SEMA6B: variants seen among roughly 807,000 people sequenced by gnomAD.
The protein encoded by SEMA6B is semaphorin 6B.
SEMA6B carries 47 observed loss-of-function variants against 78.6 expected under a neutral mutation model. The ratio of observed to expected loss-of-function variants is 0.60; its 90% CI spans 0.47 to 0.76. The LOEUF (loss-of-function observed/expected upper bound fraction) is 0.76, where lower values mean the gene tolerates loss of function less well. SEMA6B is among the 30% of genes least tolerant of loss of function. The pLI is 0.00. For synonymous variants in SEMA6B, 632 were observed against 592.2 expected (o/e 1.07, Z -0.98); for missense variants, 1,213 against 1,269.9 (o/e 0.96, Z 0.68).
intron 8 of SEMA6B, 63 bp from the exon 9 acceptor site, chr19:4,554,539 G>A (rs1458293985): frequency 3.9e-6 from 5 of 1,273,136 alleles, no homozygotes; most frequent in Non-Finnish European, 5.7e-6. Flanking sequence ...CTGGGGCTAA[G>A]AACTCACTGG....
rs114744547 is a variant in SEMA6B at position 4,551,184 on chromosome 19, G to C, written c.990-254C>G. 9.9e-3 allele frequency among the ~76,000 whole-genome samples: 1,484 copies of C among 150,140 alleles called. 28 individuals carry two copies. Among genetic ancestry groups the C allele is most frequent in the African/African-American group, 0.034 (1,386 of 40,772 alleles). ...CCCTGTTTAACTGGATGTCCTGCCT[G>C]CCCAGTGTCACTGTTAGAGCCCACT... On this transcript the variant is annotated intron_variant, in intron 10 of 16. Coordinates refer to ENST00000586582, the MANE Select transcript of SEMA6B (RefSeq NM_032108.4).
At chr19:4,546,961 A>T (rs1395281353) in intron 14 of SEMA6B, among the ~76,000 whole-genome samples, 3 of 148,418 alleles carry the variant, frequency 2.0e-5, no homozygotes, top group Non-Finnish European at 3.0e-5. Flanking sequence ...TTAAAATTTA[A>T]TTTTTTTTTT....
At chr19:4,557,051 C>T (rs1412438024) in intron 4 of SEMA6B, 38 bp from the exon 5 acceptor site, 2 of 1,604,820 alleles carry the variant, frequency 1.2e-6, no homozygotes, top group South Asian at 1.1e-5. Context: ...GTAACGGGTC[C>T]CAGCAGCCCT....
At position 4,546,225 on chromosome 19, in the gene SEMA6B, C is replaced by A. The variant is rs1977161345; in HGVS notation, c.1729G>T (p.Asp577Tyr). 2 of 1,611,930 alleles carry A rather than the reference C, an allele frequency of 1.2e-6. No individual in the cohort carries two copies. Among genetic ancestry groups the A allele is most frequent in the South Asian group, 1.1e-5 (1 of 90,906 alleles). ...VSGASTSGLG[D>Y]CTGLLRASLS... The stretch of plus-strand genomic sequence containing the variant: ...CGTCCCCCCAACTCACCTGTGCAGT[C>A]CCCTAAGCCTGAGGTGCTGGCCCCG... Residue 577 changes from aspartate (D) to tyrosine (Y), a missense_variant, in exon 16 of 17, where the codon GAC (aspartate) becomes TAC (tyrosine). Asp to Tyr is a radical substitution (Grantham distance 160, BLOSUM62 -3). Coordinates refer to ENST00000586582, the MANE Select transcript of SEMA6B (RefSeq NM_032108.4).
At position 4,550,142 on chromosome 19, in the gene SEMA6B, T is replaced by A. The variant is rs775822320; in HGVS notation, c.1252A>T (p.Ile418Phe). The A allele has an allele frequency of 6.2e-7, 1 of 1,613,716 alleles. No individual in the cohort carries two copies. Among genetic ancestry groups the A allele is most frequent in the Middle Eastern group, 1.7e-4 (1 of 6,052 alleles). ...AVPSLGHAPW[I>F]LRTLMRHQLT... ...ACCGACCTCATCAGGGTCCGCAGGA[T>A]CCAGGGCGCATGGCCCAGCGAGGGC... is the stretch of plus-strand genomic sequence containing the variant. The change falls in exon 12 of 17, where the codon ATC (isoleucine) becomes TTC (phenylalanine). Residue 418 changes from isoleucine to phenylalanine, a missense_variant. Ile to Phe is a conservative substitution (Grantham distance 21). Coordinates refer to ENST00000586582, the MANE Select transcript of SEMA6B (RefSeq NM_032108.4). The surrounding 1 kb of genome is among the most constrained non-coding windows in gnomAD (Gnocchi z 6.6).
rs1259627315 is a variant in SEMA6B, at chr19:4,551,667, TA to T, written c.990-738del. Among the ~76,000 whole-genome samples, 8 of 151,372 alleles carry T rather than the reference TA, an allele frequency of 5.3e-5. No homozygotes were observed. The East Asian group carries it at 1.6e-3, about 30-fold the overall frequency. On this transcript the variant is annotated intron_variant, in intron 10 of 16. Transcript: ENST00000586582. ...CAAAATGGAGAAACCCCGTCTCTACTAAAAATACAAAATAAGCTGGGTGTGG... is the reference window on the plus strand; with the variant it reads ...CAAAATGGAGAAACCCCGTCTCTACTAAAATACAAAATAAGCTGGGTGTGG...
At position 4,556,892 on chromosome 19, in the gene SEMA6B, G is replaced by A. The variant is rs888437383; in HGVS notation, c.369+59C>T. 2.7e-6 allele frequency: 4 copies of A among 1,491,302 alleles called. No homozygotes were observed. The Admixed American group carries it at 5.5e-5, about 21-fold the overall frequency. The allele number at this position is 1,491,302 out of a possible 1,614,324, so 92.4% of individuals were successfully genotyped here. On this transcript the variant is annotated intron_variant, in intron 5 of 16. Transcript: ENST00000586582. ...GCGTGGCCTGGTCTGATTGGGGCGG[G>A]GCATGGGTAATGCCAGGGCTGATTC...
rs1977563628 is a variant in SEMA6B, at chr19:4,559,604, G to A, written c.-107C>T. On this transcript the variant is annotated 5_prime_UTR_variant, in exon 1 of 17. Transcript: ENST00000586582. ...AGCCTCGTCCTTCTGGGAAGTATTG[G>A]GCAAGCTCCGAGCCCATTTTCCTGT... 1.3e-5 allele frequency: 2 copies of A among 152,224 alleles called. No individual in the cohort carries two copies. Among genetic ancestry groups the A allele is most frequent in the African/African-American group, 4.8e-5 (2 of 41,434 alleles). The allele number at this position is 152,224 out of a possible 1,614,324, so 9.4% of individuals were successfully genotyped here.
rs747779263 is a variant in SEMA6B at position 4,555,430 on chromosome 19, C to T, written c.562+44G>A. The T allele has an allele frequency of 1.3e-6, 2 of 1,535,238 alleles. No homozygotes were observed. The highest frequency in any genetic ancestry group is 1.8e-6 in the Non-Finnish European group (2 of 1,125,952). On this transcript the variant is annotated intron_variant, in intron 7 of 16. Coordinates refer to ENST00000586582, the MANE Select transcript of SEMA6B (RefSeq NM_032108.4). The surrounding 1 kb of genome is among the most constrained non-coding windows in gnomAD (Gnocchi z 6.1). ...CTGGAGTAGAAAATGCCAGGTCTTG[C>T]CTGTGGCTGGGGCTGATCAGATGGA...
chr19:4,556,945 A>C lies in SEMA6B; in HGVS notation c.369+6T>G. ...AGGGGCCGGGACCGAGCCAGGGCCA[A>C]CTCACCTCCTGTTTGCCCTTCATCC... On this transcript the variant is annotated splice_donor_region_variant and intron_variant, in intron 5 of 16. Coordinates refer to ENST00000586582, the MANE Select transcript of SEMA6B (RefSeq NM_032108.4). 1 of 1,612,332 alleles carries C rather than the reference A, an allele frequency of 6.2e-7. No individual in the cohort carries two copies.
In SEMA6B at chr19:4,548,116, G is replaced by A. The variant is rs751082219; in HGVS notation, c.1512C>T (p.Asp504=). 1.2e-5 allele frequency: 19 copies of A among 1,591,732 alleles called. No individual in the cohort carries two copies. Among genetic ancestry groups the A allele is most frequent in the East Asian group, 2.3e-5 (1 of 44,340 alleles). The part of the protein sequence containing the change: ...TGQRLLSLEL[D]AASGGLLAAF... ...CAGCCAGCAGGCCCCCCGAAGCTGC[G>A]TCCAGCTCCAAGCTCAGCAGCCGCT... Residue 504 remains aspartate, a synonymous_variant, in exon 14 of 17, where the codon GAC becomes GAT. Transcript: ENST00000586582.
chr19:4,542,943 C>G lies in SEMA6B; in HGVS notation c.*658G>C, dbSNP rs1227837808. 1 of 700,738 alleles carries G rather than the reference C, an allele frequency of 1.4e-6. No homozygotes were observed. The highest frequency in any genetic ancestry group is 2.7e-5 in the East Asian group (1 of 37,248). The allele number at this position is 700,738 out of a possible 1,614,324, so 43.4% of individuals were successfully genotyped here. A position where few individuals can be genotyped will look rare whatever the true frequency, so the allele number is the denominator to read the frequency against. ...ACTCCTAACCGGCACCTCGGAGACC[C>G]CCGGGCCTTCTGGAAGCCCCAGCGT... On this transcript the variant is annotated 3_prime_UTR_variant, in exon 17 of 17. Transcript: ENST00000586582.
intron 10 of SEMA6B, among the ~76,000 whole-genome samples, chr19:4,551,827 CA>C (rs55662689): frequency 1.4e-4 from 21 of 147,750 alleles, no homozygotes; most frequent in African/African-American, 4.5e-4. Flanking sequence ...GAAACTGTCT[CA>C]AAAAAAAAAC....
In SEMA6B at chr19:4,546,291, GCA is replaced by G. The variant is rs1259644596; in HGVS notation, c.1680-19_1680-18del. Reference sequence around the variant, plus strand: ...AAGGCGGCTCTAATGGGGAGAGGAGGCACCGTCAGCAGAGGCCCCTCTCACAG... The same window carrying G: ...AAGGCGGCTCTAATGGGGAGAGGAGGCCGTCAGCAGAGGCCCCTCTCACAG... On this transcript the variant is annotated intron_variant, in intron 15 of 16. Transcript: ENST00000586582. 9 of 1,612,558 alleles carry G rather than the reference GCA, an allele frequency of 5.6e-6. No homozygotes were observed. The highest frequency in any genetic ancestry group is 7.6e-6 in the Non-Finnish European group (9 of 1,179,352).
rs140033997 is a variant in SEMA6B, at chr19:4,550,419, G to C, written c.1122-147C>G. The C allele has an allele frequency of 1.3e-3, 1,140 of 879,572 alleles. 14 individuals carry two copies. The African/African-American group carries it at 0.017, about 13-fold the overall frequency. 54.5% of individuals were successfully genotyped at this position (879,572 alleles called of 1,614,324 possible). On this transcript the variant is annotated intron_variant, in intron 11 of 16. Coordinates refer to ENST00000586582, the MANE Select transcript of SEMA6B (RefSeq NM_032108.4). The surrounding 1 kb of genome is among the most constrained non-coding windows in gnomAD (Gnocchi z 6.6). ...AGACAGAGTCTCAATCTGTCGCCCA[G>C]GCTGGAGTGCTTTGGCTCACTGCAA...
In SEMA6B at chr19:4,552,661, C is replaced by G. The variant is rs45579944; in HGVS notation, c.772-22G>C. 6.3e-7 allele frequency: 1 copy of G among 1,576,798 alleles called. No individual in the cohort carries two copies. The highest frequency in any genetic ancestry group is 8.6e-7 in the Non-Finnish European group (1 of 1,158,256). On this transcript the variant is annotated intron_variant, in intron 9 of 16. Coordinates refer to ENST00000586582, the MANE Select transcript of SEMA6B (RefSeq NM_032108.4). This position sits in a 1 kb window ranked among gnomAD's most constrained non-coding sequence, Gnocchi z 7.4. Reference sequence around the variant, plus strand: ...CCACCTGGGCGTGACAGTGGACGGACGGGGGCCTGAGCTCTGTGTCCCAGG... The same window carrying G: ...CCACCTGGGCGTGACAGTGGACGGAGGGGGGCCTGAGCTCTGTGTCCCAGG...
At position 4,542,633 on chromosome 19, in the gene SEMA6B, G is replaced by T. The variant is rs1360399281; in HGVS notation, c.*968C>A. On this transcript the variant is annotated 3_prime_UTR_variant, in exon 17 of 17. Coordinates refer to ENST00000586582, the MANE Select transcript of SEMA6B (RefSeq NM_032108.4). ...TTTTATTGATGGGGAGGGGGCTGGG[G>T]GAGGCAAACTCCAGAGAGGGCAGAG... 1.4e-5 allele frequency: 8 copies of T among 556,078 alleles called. No individual in the cohort carries two copies. Among genetic ancestry groups the T allele is most frequent in the Non-Finnish European group, 2.6e-5 (8 of 303,652 alleles). 34.4% of individuals were successfully genotyped at this position (556,078 alleles called of 1,614,324 possible). A position where few individuals can be genotyped will look rare whatever the true frequency, so the allele number is the denominator to read the frequency against.
Position 4,557,019 on chromosome 19 carries a change from GA to G in SEMA6B, c.307-7del. On this transcript the variant is annotated splice_region_variant and splice_polypyrimidine_tract_variant and intron_variant, in intron 4 of 16. Transcript: ENST00000586582. ...TTAGATCTCCAGGTCAGCTTCTGCA[GA>G]CAGAGAGAGCTGGTGAGGGGGTAAC... is the stretch of plus-strand genomic sequence containing the variant. 1 of 1,612,442 alleles carries G rather than the reference GA, an allele frequency of 6.2e-7. No homozygotes were observed. Among genetic ancestry groups the G allele is most frequent in the East Asian group, 2.2e-5 (1 of 44,824 alleles).
intron 14 of SEMA6B, 37 bp downstream of exon 14, chr19:4,547,990 G>A (rs1399372359): frequency 1.3e-6 from 2 of 1,509,468 alleles, no homozygotes; most frequent in Non-Finnish European, 1.8e-6. Context: ...ATCCTCCCTT[G>A]CTTCCCGCCC....
Sources: allele counts gnomAD v4.1 joint callset (sites outside exome capture counted in the v4.1 genomes callset), GRCh38; gene constraint gnomAD v4.1.1; non-coding constraint Gnocchi (gnomAD v3.1); transcripts MANE v1.5; gene names NCBI Gene and HGNC (gene_info 2026-07-23, HGNC 2026-07-21).